LAMA2: variants seen among roughly 807,000 people sequenced by gnomAD.
The protein encoded by LAMA2 is laminin subunit alpha-2.
A neutral mutation model predicts 364.8 loss-of-function variants in LAMA2; 269 were observed. That is an observed-to-expected ratio of 0.74 (90% CI 0.67 to 0.82). The LOEUF (loss-of-function observed/expected upper bound fraction) is 0.82, where lower values mean the gene tolerates loss of function less well. LAMA2 is among the 40% of genes least tolerant of loss of function. The pLI, the probability that LAMA2 is intolerant of heterozygous loss-of-function variation, is 0.00. For synonymous variants in LAMA2, 1,379 were observed against 1,370.6 expected, an observed-to-expected ratio of 1.01 and a Z score of -0.14; for missense variants, 3,807 against 3,873.2, an observed-to-expected ratio of 0.98 and a Z score of 0.45.
chr6:128,901,301 T>G (rs1777068215), intron 1 of LAMA2, among the ~76,000 whole-genome samples: 1 of 152,218 alleles, frequency 6.6e-6, no homozygotes, highest in Non-Finnish European at 1.5e-5. Flanking sequence ...AGCTTTCACC[T>G]TTAAGAAATG....
intron 4 of LAMA2, among the ~76,000 whole-genome samples, chr6:129,137,737 A>G (rs1166218461): frequency 6.6e-6 from 1 of 152,150 alleles, no homozygotes; most frequent in Non-Finnish European, 1.5e-5. Flanking sequence ...TCCAGTCTAT[A>G]GTATTTGGGG....
At chr6:129,227,975 C>T (rs966362235) in intron 12 of LAMA2, among the ~76,000 whole-genome samples, 1 of 152,160 alleles carries the variant, frequency 6.6e-6, no homozygotes, top group Non-Finnish European at 1.5e-5. Flanking sequence ...GTGGGCTTCA[C>T]CCAGTTCAAG....
chr6:129,272,246 G>A (rs1223250584), intron 17 of LAMA2, among the ~76,000 whole-genome samples: 6 of 152,224 alleles, frequency 3.9e-5, no homozygotes, highest in Admixed American at 6.5e-5. Flanking sequence ...GCCAATTCTG[G>A]AGCCAGACTC....
chr6:129,505,188 T>C lies in LAMA2; in HGVS notation c.8548-12T>C, dbSNP rs745635895. ...TCAGGATTGGCATTAATGACTCCTT[T>C]CTTTTTTGTAGATTAAGATAATGAG... On this transcript the variant is annotated splice_polypyrimidine_tract_variant and intron_variant, in intron 60 of 64. Coordinates refer to ENST00000421865, the MANE Select transcript of LAMA2 (RefSeq NM_000426.4). 42 of 1,612,518 alleles carry C rather than the reference T, an allele frequency of 2.6e-5. No homozygotes were observed. Among genetic ancestry groups the C allele is most frequent in the Non-Finnish European group, 3.5e-5 (41 of 1,178,576 alleles).
chr6:129,506,798 G>T (rs1287373640), intron 61 of LAMA2, among the ~76,000 whole-genome samples: 1 of 152,132 alleles, frequency 6.6e-6, no homozygotes, highest in Non-Finnish European at 1.5e-5. Flanking sequence ...TGGATGATCA[G>T]TATTACTTTT....
intron 11 of LAMA2, among the ~76,000 whole-genome samples, chr6:129,191,517 C>A (rs1287395750): frequency 6.6e-6 from 1 of 152,170 alleles, no homozygotes; most frequent in Admixed American, 6.5e-5. Context: ...AGCCAAGGGG[C>A]AGAGCTGGTA....
chr6:129,278,443 A>G (rs959158373), intron 17 of LAMA2, among the ~76,000 whole-genome samples: 1 of 152,206 alleles, frequency 6.6e-6, no homozygotes, highest in African/African-American at 2.4e-5. Flanking sequence ...ACAGAGATGC[A>G]GTTCTCACTT....
chr6:129,138,616 A>G (rs1317485467), intron 4 of LAMA2, among the ~76,000 whole-genome samples: 1 of 152,154 alleles, frequency 6.6e-6, no homozygotes, highest in East Asian at 1.9e-4. Context: ...TCATATATTC[A>G]TGGTACTTTC....
chr6:129,084,079 G>A (rs1415469684), intron 3 of LAMA2, among the ~76,000 whole-genome samples: 2 of 152,110 alleles, frequency 1.3e-5, no homozygotes, highest in Non-Finnish European at 2.9e-5. Context: ...TAAAACAAAT[G>A]GATTAGTGAA....
At chr6:129,160,584 T>A (rs1316848587) in intron 8 of LAMA2, among the ~76,000 whole-genome samples, 1 of 151,998 alleles carries the variant, frequency 6.6e-6, no homozygotes, top group Admixed American at 6.5e-5. Flanking sequence ...TTCTATTTAT[T>A]ATATTATTCA....
chr6:129,029,860 T>G (rs953350568), intron 1 of LAMA2, among the ~76,000 whole-genome samples: 2 of 152,056 alleles, frequency 1.3e-5, no homozygotes, highest in Non-Finnish European at 2.9e-5. Flanking sequence ...CTGGGGCTAC[T>G]TTTTTCTCAG....
chr6:128,934,588 G>A (rs781379774), intron 1 of LAMA2, among the ~76,000 whole-genome samples: 16 of 151,442 alleles, frequency 1.1e-4, no homozygotes, highest in Admixed American at 4.0e-4. Context: ...TGCAACCTCC[G>A]TCTCCTGGGT....
chr6:128,948,810 G>A (rs770776853), intron 1 of LAMA2, among the ~76,000 whole-genome samples: 4 of 152,122 alleles, frequency 2.6e-5, no homozygotes, highest in Non-Finnish European at 5.9e-5. Flanking sequence ...CATGTGACAT[G>A]TGTGCTCCAG....
At chr6:129,025,232 C>T (rs935628787) in intron 1 of LAMA2, among the ~76,000 whole-genome samples, 1 of 152,144 alleles carries the variant, frequency 6.6e-6, no homozygotes, top group African/African-American at 2.4e-5. Flanking sequence ...ACATAAAGTA[C>T]ATCTTCCACT....
At chr6:129,154,445 G>T (rs1190151155) in intron 7 of LAMA2, 60 bp from the exon 8 acceptor site, 4 of 1,452,274 alleles carry the variant, frequency 2.8e-6, no homozygotes, top group Non-Finnish European at 3.8e-6. Context: ...TAACAGAAAT[G>T]ATTTTTAAAT....
chr6:129,505,393 G>GAATCA, intron 61 of LAMA2, 38 bp downstream of exon 61: 1 of 1,533,316 alleles, frequency 6.5e-7, no homozygotes, highest in Non-Finnish European at 9.0e-7. Context: ...TTAAATATAT[G>GAATCA]GCTGATTCAT....
chr6:129,357,178 A>G (rs1777196611), intron 32 of LAMA2, among the ~76,000 whole-genome samples: 1 of 152,092 alleles, frequency 6.6e-6, no homozygotes, highest in African/African-American at 2.4e-5. Flanking sequence ...CAAAGAAGCC[A>G]TTATTTGCTT....
chr6:129,112,248 T>A (rs777892253), intron 4 of LAMA2, among the ~76,000 whole-genome samples: 5 of 152,042 alleles, frequency 3.3e-5, no homozygotes, highest in Non-Finnish European at 5.9e-5. Flanking sequence ...TCAGAATGAT[T>A]TAATTTTGTG....
At chr6:129,142,583 T>G (rs1336581150) in intron 4 of LAMA2, among the ~76,000 whole-genome samples, 1 of 152,060 alleles carries the variant, frequency 6.6e-6, no homozygotes, top group Non-Finnish European at 1.5e-5. Context: ...ACCTGTAATA[T>G]AGTATCTGTA....
Sources: allele counts gnomAD v4.1 joint callset (sites outside exome capture counted in the v4.1 genomes callset), GRCh38; gene constraint gnomAD v4.1.1; transcripts MANE v1.5; gene names NCBI Gene and HGNC (gene_info 2026-07-23, HGNC 2026-07-21).